Variants in YIPF3 observed in about 807,000 individuals in gnomAD.
YIPF3 encodes protein YIPF3.
A neutral mutation model predicts 40.3 loss-of-function variants in YIPF3; 18 were observed. The ratio of observed to expected loss-of-function variants is 0.45; its 90% confidence interval spans 0.31 to 0.66. The LOEUF (loss-of-function observed/expected upper bound fraction) is 0.66. YIPF3 is among the 30% of genes least tolerant of loss of function. The pLI is 0.07. For missense variants in YIPF3, 406 were observed against 452.2 expected, an observed-to-expected ratio of 0.90 and a Z score of 0.93; for synonymous variants, 190 against 179.6, an observed-to-expected ratio of 1.06 and a Z score of -0.46.
rs527317331 is a variant in YIPF3, at chr6:43,512,248, G to A, written c.972C>T (p.Ala324=). 1 of 1,613,892 alleles carries A rather than the reference G, an allele frequency of 6.2e-7. No homozygotes were observed. The highest frequency in any genetic ancestry group is 1.3e-5 in the African/African-American group (1 of 75,026). The change falls in exon 9 of 9, where the codon GCC becomes GCT. Residue 324 remains alanine (A), a synonymous_variant. Transcript: ENST00000372422. ...PIQRVPRDIP[A]MLPAARLPTT... ...TGGGAAGCCGAGCAGCAGGGAGCAT[G>A]GCAGGGATGTCTCTGGGGACCCTCT...
At chr6:43,512,405 C>T (rs1561852299) in intron 8 of YIPF3, 35 bp downstream of exon 8, 8 of 1,614,192 alleles carry the variant, frequency 5.0e-6, no homozygotes. Flanking sequence ...AGCTGCTTTC[C>T]CATTCTCCCC....
At chr6:43,513,030 T>C (rs765276326) in intron 6 of YIPF3, 39 bp downstream of exon 6, 3 of 1,612,222 alleles carry the variant, frequency 1.9e-6, no homozygotes, top group East Asian at 2.2e-5. Context: ...TGGCTACTCT[T>C]TTTAACATCA....
rs552558578 is a variant in YIPF3 at position 43,516,093 on chromosome 6, G to A, written c.84C>T (p.Gly28=). Residue 28 remains glycine (G), a splice_region_variant and synonymous_variant, in exon 2 of 9, where the codon GGC becomes GGT. Coordinates refer to ENST00000372422, the MANE Select transcript of YIPF3 (RefSeq NM_015388.4). ...CCATGTCAATCACAGCTGAGCCTCC[G>A]CCCTGTGAAGACAATGGCTCCTAGA... The part of the protein sequence containing the change: ...EWGGFEENIQ[G]GGSAVIDMEN... 1.2e-6 allele frequency: 2 copies of A among 1,614,182 alleles called. No homozygotes were observed. Among genetic ancestry groups the A allele is most frequent in the African/African-American group, 1.3e-5 (1 of 75,056 alleles).
At chr6:43,516,469 C>T (rs575589713) in intron 1 of YIPF3, 2 of 619,362 alleles carry the variant, frequency 3.2e-6, no homozygotes, top group South Asian at 4.2e-5. Context: ...TTACCCCGAC[C>T]AACCTCCTAA....
chr6:43,512,723 A>G, intron 7 of YIPF3, 38 bp downstream of exon 7: 1 of 1,596,440 alleles, frequency 6.3e-7, no homozygotes, highest in Admixed American at 1.7e-5. Flanking sequence ...ACTCCCTGGG[A>G]GGACAGCCCA....
At position 43,515,974 on chromosome 6, in the gene YIPF3, T is replaced by G. The variant is rs772702705; in HGVS notation, c.203A>C (p.Asp68Ala). The change falls in exon 2 of 9, where the codon GAT becomes GCT. Residue 68 changes from aspartate (D) to alanine (A), a missense_variant. Asp to Ala is a moderately radical substitution (Grantham distance 126). Transcript: ENST00000372422. ...REEEVDADAA[D>A]AAAAEEEDGE... ...ATCCTCCTCTTCAGCAGCAGCTGCA[T>G]CAGCTGCATCAGCGTCTACTTCTTC... 204 of 1,613,716 alleles carry G rather than the reference T, an allele frequency of 1.3e-4. No individual in the cohort carries two copies. Among genetic ancestry groups the G allele is most frequent in the Non-Finnish European group, 1.4e-4 (162 of 1,179,810 alleles).
intron 3 of YIPF3, chr6:43,515,149 CCTGT>C (rs976249830): frequency 2.9e-5 from 11 of 384,720 alleles, no homozygotes; most frequent in South Asian, 5.8e-5. Flanking sequence ...CGGGCACCCG[CCTGT>C]CTAATTTTTT....
chr6:43,514,701 C>A (rs1174733486), intron 3 of YIPF3, among the ~76,000 whole-genome samples: 2 of 152,196 alleles, frequency 1.3e-5, no homozygotes, highest in Non-Finnish European at 2.9e-5. Context: ...AGTTTAGCGT[C>A]TGGCACAGAG....
chr6:43,514,895 C>T (rs576027743), intron 3 of YIPF3, among the ~76,000 whole-genome samples: 1 of 152,150 alleles, frequency 6.6e-6, no homozygotes, highest in East Asian at 1.9e-4. Context: ...CAAGACAGAG[C>T]CTGCTTTTGA....
intron 1 of YIPF3, 24 bp downstream of exon 1, chr6:43,516,703 C>T: frequency 6.2e-7 from 1 of 1,611,574 alleles, no homozygotes; most frequent in Non-Finnish European, 8.5e-7. Flanking sequence ...CGGCTGCTGG[C>T]AGCTGGTGCC....
At position 43,516,714 on chromosome 6, in the gene YIPF3, T is replaced by G; in HGVS notation, c.81+13A>C. On this transcript the variant is annotated intron_variant, in intron 1 of 8. Transcript: ENST00000372422. ...CCTCCGGCTGCTGGCAGCTGGTGCC[T>G]TGGGGCCATTACCTGGATGTTTTCT... The G allele has an allele frequency of 6.2e-7, 1 of 1,612,460 alleles. No homozygotes were observed. Among genetic ancestry groups the G allele is most frequent in the Non-Finnish European group, 8.5e-7 (1 of 1,179,836 alleles).
chr6:43,512,971 TC>T, intron 6 of YIPF3, 97 bp from the exon 7 acceptor site: 1 of 1,592,376 alleles, frequency 6.3e-7, no homozygotes, highest in African/African-American at 1.3e-5. Flanking sequence ...ATTGGCCTAC[TC>T]CTCCCATTCC....
intron 3 of YIPF3, among the ~76,000 whole-genome samples, chr6:43,514,192 G>C (rs183400420): frequency 2.0e-5 from 3 of 152,342 alleles, no homozygotes; most frequent in African/African-American, 7.2e-5. Flanking sequence ...AGTGAACCGA[G>C]ATCGCGCCAC....
chr6:43,514,239 TCAAAA>T (rs561329973), intron 3 of YIPF3, among the ~76,000 whole-genome samples: 6 of 151,832 alleles, frequency 4.0e-5, no homozygotes, highest in Non-Finnish European at 7.4e-5. Context: ...CGACTCCATC[TCAAAA>T]CAAAACAAAA....
At chr6:43,512,354 C>T in intron 8 of YIPF3, 39 bp from the exon 9 acceptor site, 1 of 1,612,896 alleles carries the variant, frequency 6.2e-7, no homozygotes, top group East Asian at 2.2e-5. Context: ...ATCAGATGGG[C>T]CCAGCCCACC....
Position 43,515,901 on chromosome 6 carries a change from C to T in YIPF3, c.276G>A (p.Gln92=), listed in dbSNP as rs773343823. 1 of 1,597,868 alleles carries T rather than the reference C, an allele frequency of 6.3e-7. No individual in the cohort carries two copies. Among genetic ancestry groups the T allele is most frequent in the Non-Finnish European group, 8.5e-7 (1 of 1,170,078 alleles). The part of the protein sequence containing the change: ...MKGFKGQLSR[Q]VADQMWQAGK... ...CAATCTTGCTTACCTGATCTGCCACCTGCCGGCTCAGCTGTCCCTTAAAGC... is the reference window on the plus strand; with the variant it reads ...CAATCTTGCTTACCTGATCTGCCACTTGCCGGCTCAGCTGTCCCTTAAAGC... The change falls in exon 2 of 9, where the codon CAG becomes CAA. Residue 92 remains glutamine, a synonymous_variant. Coordinates refer to ENST00000372422, the MANE Select transcript of YIPF3 (RefSeq NM_015388.4).
Position 43,515,872 on chromosome 6 carries a change from G to T in YIPF3, c.288+17C>A. On this transcript the variant is annotated intron_variant, in intron 2 of 8. Coordinates refer to ENST00000372422, the MANE Select transcript of YIPF3 (RefSeq NM_015388.4). ...TAGGTCTACTTTTCTACCTGCAGAG[G>T]ATTCAATCTTGCTTACCTGATCTGC... 6.3e-7 allele frequency: 1 copy of T among 1,587,314 alleles called. No individual in the cohort carries two copies. Among genetic ancestry groups the T allele is most frequent in the South Asian group, 1.1e-5 (1 of 87,646 alleles).
Position 43,516,788 on chromosome 6 carries a change from G to A in YIPF3, c.20C>T (p.Pro7Leu). 6.3e-7 allele frequency: 1 copy of A among 1,583,220 alleles called. No homozygotes were observed. The highest frequency in any genetic ancestry group is 1.1e-5 in the South Asian group (1 of 87,254). ...AGCTCCATTTCGGGCGCCGCCCGCC[G>A]GCGCCGCTGTAGTTGCCATGTCCCT... is the stretch of plus-strand genomic sequence containing the variant. MATTAA[P>L]AGGARNGAGP... The change falls in exon 1 of 9, where the codon CCG becomes CTG. Residue 7 changes from proline (P) to leucine (L), a missense_variant. Coordinates refer to ENST00000372422, the MANE Select transcript of YIPF3 (RefSeq NM_015388.4).
At chr6:43,513,730 A>G (rs980446587) in intron 3 of YIPF3, 97 bp from the exon 4 acceptor site, 7 of 1,253,690 alleles carry the variant, frequency 5.6e-6, no homozygotes, top group Non-Finnish European at 5.5e-6. Flanking sequence ...ACTCCAGGGA[A>G]TGGGGCCTGG....
Sources: gnomAD v4.1 joint callset for allele counts (sites outside exome capture counted in the v4.1 genomes callset) on GRCh38, gnomAD v4.1.1 for gene constraint, MANE v1.5 for transcripts, NCBI Gene and HGNC (gene_info 2026-07-23, HGNC 2026-07-21) for gene names.